Variants in ZNF790 observed in about 807,000 individuals in gnomAD.
The protein encoded by ZNF790 is zinc finger protein 790.
Under a neutral mutation model 12.1 loss-of-function variants are expected in ZNF790, and 8 were observed. The ratio of observed to expected loss-of-function variants is 0.66; its 90% CI spans 0.39 to 1.19. The LOEUF (loss-of-function observed/expected upper bound fraction) is 1.19, where lower values mean the gene tolerates loss of function less well. ZNF790 is among the 50% of genes most tolerant of loss of function. ZNF790 has a pLI of 0.01. For synonymous variants in ZNF790, 252 were observed against 244.3 expected (o/e 1.03, Z -0.29); for missense variants, 707 against 752.2 (o/e 0.94, Z 0.70).
intron 1 of ZNF790, among the ~76,000 whole-genome samples, chr19:36,848,175 C>T (rs1429911081): frequency 6.6e-6 from 1 of 152,182 alleles, no homozygotes; most frequent in Non-Finnish European, 1.5e-5. Context: ...CCCCTTTCAA[C>T]CACAAGTGAG....
intron 1 of ZNF790, among the ~76,000 whole-genome samples, chr19:36,844,364 C>T (rs2072158301): frequency 6.7e-6 from 1 of 149,578 alleles, no homozygotes; most frequent in Admixed American, 6.7e-5. Flanking sequence ...AGCCCCCAAA[C>T]TCCAAACAAC....
rs763486589 is a variant in ZNF790, at chr19:36,819,456, A to G, written c.888T>C (p.Asp296=). 2 of 1,609,992 alleles carry G rather than the reference A, an allele frequency of 1.2e-6. No individual in the cohort carries two copies. The highest frequency in any genetic ancestry group is 1.7e-5 in the Admixed American group (1 of 59,470). Residue 296 remains aspartate (D), a synonymous_variant, in exon 5 of 5, where the codon GAT becomes GAC. Transcript: ENST00000356725. ...ECGKAFSCGS[D]LTRHQRIHTG... ...TATGAATTCTCTGATGTCGAGTAAG[A>G]TCTGAGCCACAACTAAAGGCCTTCC... is the stretch of plus-strand genomic sequence containing the variant.
In ZNF790 at chr19:36,818,662, G is replaced by T. The variant is rs1283785085; in HGVS notation, c.1682C>A (p.Pro561His). Residue 561 changes from proline (P) to histidine (H), a missense_variant, in exon 5 of 5, where the codon CCT becomes CAT. Physicochemically the swap from Pro to His is moderately conservative, Grantham distance 77. Coordinates refer to ENST00000356725, the MANE Select transcript of ZNF790 (RefSeq NM_206894.4). ...RHKKIHTDAE[P>H]YGCKKSSHIF... Reference sequence around the variant, plus strand: ...GTGGCTACTTTTCTTGCATCCATAAGGTTCTGCATCAGTATGAATTTTCTT... The same window carrying T: ...GTGGCTACTTTTCTTGCATCCATAATGTTCTGCATCAGTATGAATTTTCTT... 1 of 1,612,602 alleles carries T rather than the reference G, an allele frequency of 6.2e-7. No individual in the cohort carries two copies. Among genetic ancestry groups the T allele is most frequent in the Non-Finnish European group, 8.5e-7 (1 of 1,179,500 alleles).
intron 1 of ZNF790, chr19:36,828,104 T>G (rs1013684687): frequency 6.6e-6 from 1 of 152,156 alleles, no homozygotes; most frequent in Non-Finnish European, 1.5e-5. Context: ...ATTTTGTGTT[T>G]GAGAACATGA....
At chr19:36,848,995 A>T (rs911417675) in intron 1 of ZNF790, among the ~76,000 whole-genome samples, 3 of 151,996 alleles carry the variant, frequency 2.0e-5, no homozygotes, top group African/African-American at 7.3e-5. Flanking sequence ...GTTTCACCAT[A>T]TTGGCCAGGC....
chr19:36,823,950 G>T, intron 2 of ZNF790, 160 bp from the exon 3 acceptor site: 1 of 494,538 alleles, frequency 2.0e-6, no homozygotes, highest in East Asian at 3.6e-5. Flanking sequence ...CAGGGGAAAT[G>T]ACATGGGAAT....
At chr19:36,829,961 T>G (rs1169468040) in intron 1 of ZNF790, among the ~76,000 whole-genome samples, 1 of 152,230 alleles carries the variant, frequency 6.6e-6, no homozygotes, top group Non-Finnish European at 1.5e-5. Flanking sequence ...AAGTTTTATT[T>G]TCTATATAGA....
At chr19:36,836,009 C>T (rs1212972074) in intron 1 of ZNF790, among the ~76,000 whole-genome samples, 1 of 151,960 alleles carries the variant, frequency 6.6e-6, no homozygotes, top group African/African-American at 2.4e-5. Context: ...GTCCTAGTTT[C>T]CAGGGATTAG....
chr19:36,823,807 T>C lies in ZNF790; in HGVS notation c.10-17A>G, dbSNP rs762694775. On this transcript the variant is annotated splice_polypyrimidine_tract_variant and intron_variant, in intron 2 of 4. Transcript: ENST00000356725. ...CATCATCAACTGTTGGAAAGAATAA[T>C]TCCAAGTATTAATGGTGAAATTTTT... The C allele has an allele frequency of 2.5e-6, 4 of 1,587,608 alleles. No homozygotes were observed. The South Asian group carries it at 3.5e-5, about 14-fold the overall frequency.
chr19:36,830,986 A>G (rs1436000699), intron 1 of ZNF790, among the ~76,000 whole-genome samples: 1 of 152,118 alleles, frequency 6.6e-6, no homozygotes, highest in Non-Finnish European at 1.5e-5. Context: ...AAAAATACAA[A>G]AAATTAGCCA....
At chr19:36,845,363 C>A (rs2072170876) in intron 1 of ZNF790, among the ~76,000 whole-genome samples, 1 of 151,460 alleles carries the variant, frequency 6.6e-6, no homozygotes, top group African/African-American at 2.4e-5. Flanking sequence ...CTGCAGTGAG[C>A]CATGATCATG....
intron 1 of ZNF790, among the ~76,000 whole-genome samples, chr19:36,829,673 C>T (rs542265996): frequency 2.6e-5 from 4 of 152,254 alleles, no homozygotes; most frequent in South Asian, 2.1e-4. Flanking sequence ...GTTCAAGTGA[C>T]TCTCCTGCCT....
chr19:36,822,071 A>G (rs994947849), intron 4 of ZNF790, among the ~76,000 whole-genome samples: 5 of 152,188 alleles, frequency 3.3e-5, no homozygotes, highest in South Asian at 4.1e-4. Context: ...CCATGTTCCA[A>G]TCACAGAAGA....
intron 1 of ZNF790, among the ~76,000 whole-genome samples, chr19:36,830,645 C>T (rs1300816276): frequency 1.3e-5 from 2 of 152,134 alleles, no homozygotes; most frequent in Non-Finnish European, 2.9e-5. Flanking sequence ...GAAGGCCTGG[C>T]TATTCAAAGG....
chr19:36,822,837 G>T (rs375797534), intron 4 of ZNF790, among the ~76,000 whole-genome samples: 1 of 151,592 alleles, frequency 6.6e-6, no homozygotes, highest in Non-Finnish European at 1.5e-5. Context: ...ACGGCACCCA[G>T]CCAGTTTTTG....
At chr19:36,832,835 CTG>C (rs1481389643) in intron 1 of ZNF790, among the ~76,000 whole-genome samples, 1 of 151,874 alleles carries the variant, frequency 6.6e-6, no homozygotes, top group Non-Finnish European at 1.5e-5. Flanking sequence ...TTTGTGATAA[CTG>C]AGAGATAAAG....
Position 36,823,791 on chromosome 19 carries a change from C to A in ZNF790, c.10-1G>T. 6.3e-7 allele frequency: 1 copy of A among 1,598,750 alleles called. No homozygotes were observed. On this transcript the variant is annotated splice_acceptor_variant, in intron 2 of 4. Coordinates refer to ENST00000356725, the MANE Select transcript of ZNF790 (RefSeq NM_206894.4). LOFTEE classifies it high-confidence loss of function. ...CAGCCACATCCCTGAACATCATCAA[C>A]TGTTGGAAAGAATAATTCCAAGTAT...
Position 36,818,984 on chromosome 19 carries a change from C to T in ZNF790, c.1360G>A (p.Glu454Lys), listed in dbSNP as rs1285776174. Residue 454 changes from glutamate (E) to lysine (K), a missense_variant, in exon 5 of 5, where the codon GAA (glutamate) becomes AAA (lysine). Coordinates refer to ENST00000356725, the MANE Select transcript of ZNF790 (RefSeq NM_206894.4). ...CCATGAAGAAAGGTCTTTCCACATT[C>T]CTTACATTCATAGGATTTCCTCTCA... ...HNERKSYECK[E>K]CGKTFLHGSE... 2.5e-6 allele frequency: 4 copies of T among 1,613,812 alleles called. No individual in the cohort carries two copies. The highest frequency in any genetic ancestry group is 3.4e-6 in the Non-Finnish European group (4 of 1,179,920).
intron 1 of ZNF790, among the ~76,000 whole-genome samples, chr19:36,832,558 TGA>T (rs1189298455): frequency 1.3e-5 from 2 of 152,134 alleles, no homozygotes; most frequent in African/African-American, 4.8e-5. Context: ...AATAGCCATG[TGA>T]GAGCCACGTT....
Sources: gnomAD v4.1 joint callset for allele counts (sites outside exome capture counted in the v4.1 genomes callset) on GRCh38, gnomAD v4.1.1 for gene constraint, MANE v1.5 for transcripts, NCBI Gene and HGNC (gene_info 2026-07-23, HGNC 2026-07-21) for gene names.